DIAPH2: variants seen among roughly 807,000 people sequenced by gnomAD.
The protein encoded by DIAPH2 is protein diaphanous homolog 2.
In DIAPH2, 35 loss-of-function variants were observed where a neutral mutation model predicts 92.7. That is an observed-to-expected ratio of 0.38 (90% confidence interval 0.29 to 0.50). DIAPH2 has a LOEUF of 0.50. Ranked by LOEUF, DIAPH2 falls within the 20% of genes least tolerant of loss-of-function variation. The pLI, the probability that DIAPH2 is intolerant of heterozygous loss-of-function variation, is 0.94. For synonymous variants in DIAPH2, 301 were observed against 280.4 expected (o/e 1.07, Z -0.73); for missense variants, 701 against 819.5 (o/e 0.86, Z 1.77).
chrX:96,899,606 A>G (rs1372408801), intron 5 of DIAPH2, among the ~76,000 whole-genome samples: 1 of 111,517 alleles, frequency 9.0e-6, no homozygotes, highest in African/African-American at 3.3e-5. Context: ...GAAGTTGCTT[A>G]TCAGCTTAAG....
intron 4 of DIAPH2, among the ~76,000 whole-genome samples, chrX:96,867,280 A>T (rs1283383493): frequency 9.0e-6 from 1 of 111,055 alleles, no homozygotes; most frequent in African/African-American, 3.3e-5. Flanking sequence ...GTGTAGTGGC[A>T]TGATCTCGGC....
rs142945090 is a variant in DIAPH2 at position 97,575,067 on chromosome X, G to A, written c.3242-24186G>A. Reference sequence around the variant, plus strand: ...GAGGATAAAAAAGGGAAGGATTCTCGGATGATTTATTGATTTATTTTATGA... The same window carrying A: ...GAGGATAAAAAAGGGAAGGATTCTCAGATGATTTATTGATTTATTTTATGA... On this transcript the variant is annotated intron_variant, in intron 26 of 26. Transcript: ENST00000324765. Among the ~76,000 whole-genome samples, 956 of 112,580 alleles carry A rather than the reference G, an allele frequency of 8.5e-3. 14 individuals are homozygous for A. Among genetic ancestry groups the A allele is most frequent in the African/African-American group, 0.029 (894 of 31,025 alleles).
intron 22 of DIAPH2, among the ~76,000 whole-genome samples, chrX:97,185,361 ATATATATG>A (rs2067578257): frequency 1.7e-5 from 1 of 58,269 alleles, no homozygotes; most frequent in Non-Finnish European, 2.7e-5. Context: ...ATGTGTGTAT[ATATATATG>A]TATATATATA....
In DIAPH2 at chrX:96,875,487, G is replaced by T. The variant is rs765751708; in HGVS notation, c.448-6092G>T. Among the ~76,000 whole-genome samples the T allele has an allele frequency of 9.0e-5, 10 of 111,539 alleles. No individual in the cohort carries two copies. In the South Asian group the frequency reaches 3.7e-3, roughly 42 times the overall value. On this transcript the variant is annotated intron_variant, in intron 4 of 26. Coordinates refer to ENST00000324765, the MANE Select transcript of DIAPH2 (RefSeq NM_006729.5). Reference sequence around the variant, plus strand: ...TTATTTAAATTTTTTTGGGAAAAATGGCACATATAATCTGAAGAATTATGA... The same window carrying T: ...TTATTTAAATTTTTTTGGGAAAAATTGCACATATAATCTGAAGAATTATGA...
intron 23 of DIAPH2, among the ~76,000 whole-genome samples, chrX:97,301,793 G>C (rs1362499399): frequency 9.0e-6 from 1 of 111,675 alleles, no homozygotes; most frequent in Non-Finnish European, 1.9e-5. Context: ...TTATCTCATA[G>C]TAGATCAGGC....
At chrX:97,407,363 G>T (rs2147755050) in intron 25 of DIAPH2, among the ~76,000 whole-genome samples, 1 of 110,995 alleles carries the variant, frequency 9.0e-6, no homozygotes, top group African/African-American at 3.3e-5. Context: ...TACTGGCCAT[G>T]AATTCTTTTA....
intron 17 of DIAPH2, among the ~76,000 whole-genome samples, chrX:97,062,467 A>G (rs750240018): frequency 3.6e-4 from 40 of 111,257 alleles, no homozygotes; most frequent in Admixed American, 8.6e-4. Flanking sequence ...TTCAGTAGGT[A>G]TGAGTGTGTT....
intron 5 of DIAPH2, among the ~76,000 whole-genome samples, chrX:96,902,034 C>T (rs1348376532): frequency 8.9e-6 from 1 of 111,853 alleles, no homozygotes; most frequent in Non-Finnish European, 1.9e-5. Context: ...ATCTTAGTTT[C>T]ATTGTTAACC....
intron 26 of DIAPH2, among the ~76,000 whole-genome samples, chrX:97,586,601 CTT>C (rs1326485394): frequency 9.0e-6 from 1 of 111,622 alleles, no homozygotes; most frequent in Non-Finnish European, 1.9e-5. Context: ...TTCACACACA[CTT>C]TTTTTACCTC....
intron 23 of DIAPH2, among the ~76,000 whole-genome samples, chrX:97,249,154 A>G (rs1356665092): frequency 9.2e-6 from 1 of 108,639 alleles, no homozygotes; most frequent in Non-Finnish European, 1.9e-5. Context: ...TGCCTCATAT[A>G]TTTGAATTTA....
At chrX:97,570,895 C>G (rs1260936825) in intron 26 of DIAPH2, among the ~76,000 whole-genome samples, 1 of 111,174 alleles carries the variant, frequency 9.0e-6, no homozygotes, top group Admixed American at 9.6e-5. Context: ...GAACCTAATC[C>G]CTCCTCTTCC....
chrX:97,185,475 A>ATGTGTGTG (rs1569323396), intron 22 of DIAPH2, among the ~76,000 whole-genome samples: 17 of 1,325 alleles, frequency 0.013, no homozygotes, highest in South Asian at 0.12. Flanking sequence ...ATATATACAC[A>ATGTGTGTG]TATATATATA....
intron 22 of DIAPH2, among the ~76,000 whole-genome samples, chrX:97,179,047 C>T (rs777805441): frequency 1.8e-5 from 2 of 111,336 alleles, no homozygotes; most frequent in Admixed American, 9.6e-5. Flanking sequence ...TTACAAATTA[C>T]GCAGTCTGTG....
intron 23 of DIAPH2, chrX:97,341,199 G>A (rs1318329271): frequency 9.3e-6 from 1 of 107,996 alleles, no homozygotes; most frequent in African/African-American, 3.4e-5. Context: ...TCAGTAACGG[G>A]GGACCACTAG....
chrX:97,012,363 A>G (rs2066233266), intron 17 of DIAPH2, among the ~76,000 whole-genome samples: 1 of 111,791 alleles, frequency 8.9e-6, no homozygotes, highest in African/African-American at 3.3e-5. Context: ...CTATTATTGA[A>G]GCCTAGTTAA....
intron 17 of DIAPH2, among the ~76,000 whole-genome samples, chrX:96,979,693 T>C (rs754012137): frequency 1.8e-5 from 2 of 112,399 alleles, no homozygotes; most frequent in South Asian, 7.4e-4. Context: ...CTGGCAAATA[T>C]AAGTATGTAA....
At chrX:97,592,042 G>A (rs2071521109) in intron 26 of DIAPH2, among the ~76,000 whole-genome samples, 1 of 111,843 alleles carries the variant, frequency 8.9e-6, no homozygotes, top group Non-Finnish European at 1.9e-5. Context: ...TTATGTAAAT[G>A]CCAGTCATTC....
chrX:96,833,097 C>T (rs1386973873), intron 4 of DIAPH2, among the ~76,000 whole-genome samples: 2 of 110,875 alleles, frequency 1.8e-5, no homozygotes, highest in Non-Finnish European at 3.8e-5. Context: ...CTTGTTTTTA[C>T]TTTTTTTAAA....
intron 26 of DIAPH2, among the ~76,000 whole-genome samples, chrX:97,597,586 T>C (rs1412396977): frequency 8.9e-6 from 1 of 112,003 alleles, no homozygotes; most frequent in Non-Finnish European, 1.9e-5. Context: ...CTGGGAATGC[T>C]ACCGTCATTC....
Sources: gnomAD v4.1 joint callset for allele counts (sites outside exome capture counted in the v4.1 genomes callset) on GRCh38, gnomAD v4.1.1 for gene constraint, MANE v1.5 for transcripts, NCBI Gene and HGNC (gene_info 2026-07-23, HGNC 2026-07-21) for gene names.